Variants in RIMBP2 observed in about 807,000 individuals in gnomAD.
RIMBP2 encodes the protein RIMS binding protein 2.
RIMBP2 carries 48 observed loss-of-function variants against 118.6 expected under a neutral mutation model. The observed-to-expected ratio is 0.40, with a 90% CI of 0.32 to 0.51. RIMBP2 has a LOEUF of 0.51. Ranked by LOEUF, RIMBP2 falls within the 20% of genes least tolerant of loss-of-function variation. The pLI is 0.41. For missense variants in RIMBP2, 1,551 were observed against 1,768.3 expected, an observed-to-expected ratio of 0.88 and a Z score of 2.20; for synonymous variants, 762 against 742.9, an observed-to-expected ratio of 1.03 and a Z score of -0.42.
At chr12:130,712,104 G>A (rs1046117657) in intron 1 of RIMBP2, among the ~76,000 whole-genome samples, 1 of 152,250 alleles carries the variant, frequency 6.6e-6, no homozygotes, top group Non-Finnish European at 1.5e-5. Flanking sequence ...AAGTGACTCT[G>A]GGTGGGTGAG....
chr12:130,439,151 A>G (rs903611652), intron 11 of RIMBP2, among the ~76,000 whole-genome samples: 1 of 151,580 alleles, frequency 6.6e-6, no homozygotes, highest in South Asian at 2.1e-4. Context: ...ATATGTGTGT[A>G]TGTGTGTGTA....
chr12:130,541,549 C>T (rs2054603620), intron 2 of RIMBP2, among the ~76,000 whole-genome samples: 1 of 152,240 alleles, frequency 6.6e-6, no homozygotes, highest in South Asian at 2.1e-4. Flanking sequence ...CTTCCTTCCT[C>T]TCATTGAATA....
In RIMBP2 at chr12:130,688,865, C is replaced by T. The variant is rs747900880; in HGVS notation, c.-352+27357G>A. On this transcript the variant is annotated intron_variant, in intron 1 of 22. Coordinates refer to ENST00000690449, the MANE Select transcript of RIMBP2 (RefSeq NM_001393629.1). This position sits in a 1 kb window ranked among gnomAD's most constrained non-coding sequence, Gnocchi z 4.7. ...AAACTCTGCAAAACGCTGGCTGAAACGTGGGCCTCACGTTGCCTGAGGCAG... is the reference window on the plus strand; with the variant it reads ...AAACTCTGCAAAACGCTGGCTGAAATGTGGGCCTCACGTTGCCTGAGGCAG... Among the ~76,000 whole-genome samples, 6 of 152,248 alleles carry T rather than the reference C, an allele frequency of 3.9e-5. No individual in the cohort carries two copies. Among genetic ancestry groups the T allele is most frequent in the African/African-American group, 9.6e-5 (4 of 41,466 alleles).
intron 1 of RIMBP2, among the ~76,000 whole-genome samples, chr12:130,643,933 T>C (rs1388175043): frequency 6.6e-6 from 1 of 151,900 alleles, no homozygotes; most frequent in Admixed American, 6.6e-5. Context: ...CAAGAAGGTG[T>C]CCTCTGAGCA....
chr12:130,626,883 G>A (rs901939631), intron 2 of RIMBP2, among the ~76,000 whole-genome samples: 15 of 145,342 alleles, frequency 1.0e-4, no homozygotes, highest in Admixed American at 5.5e-4. Flanking sequence ...CCATCACCAC[G>A]ACTACTGCCG....
rs2052443497 is a variant in RIMBP2, at chr12:130,523,793, G to A, written c.-216-5876C>T. Among the ~76,000 whole-genome samples, 1 of 152,196 alleles carries A rather than the reference G, an allele frequency of 6.6e-6. No individual in the cohort carries two copies. ...CCTTGTGGGTGCAGCAGACAGCGCA[G>A]GGCATTCTGGGTTGAGATGTCAGGA... On this transcript the variant is annotated intron_variant, in intron 2 of 22. Coordinates refer to ENST00000690449, the MANE Select transcript of RIMBP2 (RefSeq NM_001393629.1). The surrounding 1 kb of genome is among the most constrained non-coding windows in gnomAD (Gnocchi z 4.4).
intron 2 of RIMBP2, among the ~76,000 whole-genome samples, chr12:130,582,889 T>C (rs1438345227): frequency 6.6e-6 from 1 of 152,192 alleles, no homozygotes; most frequent in East Asian, 1.9e-4. Context: ...GTGTGGAGAA[T>C]GTGTTTGATG....
intron 5 of RIMBP2, among the ~76,000 whole-genome samples, chr12:130,478,132 C>A (rs934379325): frequency 6.6e-6 from 1 of 152,192 alleles, no homozygotes; most frequent in Non-Finnish European, 1.5e-5. Context: ...GTCCCCAGAC[C>A]CATCACAGGT....
chr12:130,438,335 A>AACCACCCCCCCCC, intron 12 of RIMBP2, 30 bp downstream of exon 12: 2 of 865,010 alleles, frequency 2.3e-6, no homozygotes, highest in Non-Finnish European at 1.9e-6. Context: ...GGCCTAACAA[A>AACCACCCCCCCCC]CCCTCCCCAC....
At chr12:130,644,850 A>G (rs549985861) in intron 1 of RIMBP2, among the ~76,000 whole-genome samples, 3 of 152,232 alleles carry the variant, frequency 2.0e-5, no homozygotes, top group Admixed American at 2.0e-4. Context: ...CTGACTTCAC[A>G]TGCTGACTGA....
chr12:130,619,377 C>T (rs1459835193), intron 2 of RIMBP2, among the ~76,000 whole-genome samples: 1 of 152,212 alleles, frequency 6.6e-6, no homozygotes, highest in East Asian at 1.9e-4. Flanking sequence ...TCCCTCACCT[C>T]TTCCAGGACT....
At chr12:130,557,624 C>T (rs2056474000) in intron 2 of RIMBP2, among the ~76,000 whole-genome samples, 1 of 152,214 alleles carries the variant, frequency 6.6e-6, no homozygotes, top group African/African-American at 2.4e-5. Context: ...CCCAGAGAAA[C>T]CACAAGACAG....
intron 10 of RIMBP2, among the ~76,000 whole-genome samples, chr12:130,444,249 A>C (rs1360526889): frequency 6.6e-6 from 1 of 152,226 alleles, no homozygotes; most frequent in Non-Finnish European, 1.5e-5. Flanking sequence ...TCCAGAGCCA[A>C]GAACAGCTGG....
intron 1 of RIMBP2, among the ~76,000 whole-genome samples, chr12:130,684,340 C>T (rs952548098): frequency 3.9e-5 from 6 of 152,198 alleles, no homozygotes; most frequent in African/African-American, 7.2e-5. Context: ...AACCAAGCTG[C>T]GCCCCAACCA....
intron 4 of RIMBP2, among the ~76,000 whole-genome samples, chr12:130,490,193 TTTCAC>T (rs2048510965): frequency 6.6e-6 from 1 of 151,954 alleles, no homozygotes; most frequent in South Asian, 2.1e-4. Flanking sequence ...GTTCTGTTTC[TTTCAC>T]TTGAGTTGTT....
At chr12:130,577,695 T>C (rs1197180031) in intron 2 of RIMBP2, among the ~76,000 whole-genome samples, 1 of 151,348 alleles carries the variant, frequency 6.6e-6, no homozygotes, top group Non-Finnish European at 1.5e-5. Context: ...ATCAGCCACG[T>C]TATTGCTATT....
intron 1 of RIMBP2, among the ~76,000 whole-genome samples, chr12:130,675,232 G>A (rs1016196514): frequency 1.3e-5 from 2 of 152,194 alleles, no homozygotes; most frequent in African/African-American, 2.4e-5. Flanking sequence ...GGGTTTGTCC[G>A]CAGGCCTTCG....
At chr12:130,503,134 G>A (rs2049959133) in intron 4 of RIMBP2, among the ~76,000 whole-genome samples, 1 of 152,002 alleles carries the variant, frequency 6.6e-6, no homozygotes, top group Non-Finnish European at 1.5e-5. Context: ...GCTCATGCCT[G>A]TAATCCTAGC....
In RIMBP2 at chr12:130,576,521, T is replaced by G. The variant is rs1018807534; in HGVS notation, c.-217+51801A>C. Among the ~76,000 whole-genome samples the G allele has an allele frequency of 2.0e-5, 3 of 152,162 alleles. No homozygotes were observed. The highest frequency in any genetic ancestry group is 4.4e-5 in the Non-Finnish European group (3 of 68,028). On this transcript the variant is annotated intron_variant, in intron 2 of 22. Transcript: ENST00000690449. The surrounding 1 kb of genome is among the most constrained non-coding windows in gnomAD (Gnocchi z 4.2). ...AAGCAGATGGCCCCTGCATGTGCAC[T>G]TGCTCATACCCAGAACCAAAGCAAT... is the stretch of plus-strand genomic sequence containing the variant.
Sources: allele counts gnomAD v4.1 joint callset (sites outside exome capture counted in the v4.1 genomes callset), GRCh38; gene constraint gnomAD v4.1.1; non-coding constraint Gnocchi (gnomAD v3.1); transcripts MANE v1.5; gene names NCBI Gene and HGNC (gene_info 2026-07-23, HGNC 2026-07-21).